Variants in RTN1 observed in about 807,000 individuals in gnomAD.
RTN1 encodes the protein reticulon-1.
RTN1 carries 25 observed loss-of-function variants against 65.5 expected under a neutral mutation model. The ratio of observed to expected loss-of-function variants is 0.38; its 90% CI spans 0.28 to 0.53. RTN1 has a LOEUF of 0.53. RTN1 is among the 20% of genes least tolerant of loss of function. The probability of loss-of-function intolerance (pLI) is 0.79; values close to 1 mark genes in which losing one functional copy is unlikely to be tolerated. For missense variants in RTN1, 983 were observed against 1,025.4 expected, an observed-to-expected ratio of 0.96 and a Z score of 0.57; for synonymous variants, 471 against 447.6, an observed-to-expected ratio of 1.05 and a Z score of -0.66.
At chr14:59,738,967 T>C (rs1566705865) in intron 2 of RTN1, among the ~76,000 whole-genome samples, 1 of 151,736 alleles carries the variant, frequency 6.6e-6, no homozygotes, top group Non-Finnish European at 1.5e-5. Context: ...CATGGACATA[T>C]TGAGGGGGAG....
intron 3 of RTN1, among the ~76,000 whole-genome samples, chr14:59,625,287 A>G (rs777197291): frequency 6.6e-6 from 1 of 152,228 alleles, no homozygotes; most frequent in African/African-American, 2.4e-5. Flanking sequence ...GAAGATGTAA[A>G]TTTAGATCAG....
chr14:59,759,820 A>G (rs1885713171), intron 1 of RTN1, among the ~76,000 whole-genome samples: 2 of 152,198 alleles, frequency 1.3e-5, no homozygotes, highest in Admixed American at 6.5e-5. Flanking sequence ...CTTCCTTATC[A>G]GTTTGAAAAA....
At chr14:59,798,104 G>C (rs1198645284) in intron 1 of RTN1, among the ~76,000 whole-genome samples, 1 of 152,098 alleles carries the variant, frequency 6.6e-6, no homozygotes, top group Non-Finnish European at 1.5e-5. Flanking sequence ...TTATTCCAGA[G>C]ATATACTGTA....
chr14:59,829,699 G>A lies in RTN1; in HGVS notation c.241+40691C>T, dbSNP rs374459131. ...ACAGTCCTCACACAGGGAGCAGGCA[G>A]AGGGAGGCCCCACTCCTGTGCTTCC... On this transcript the variant is annotated intron_variant, in intron 1 of 8. Coordinates refer to ENST00000267484, the MANE Select transcript of RTN1 (RefSeq NM_021136.3). The surrounding 1 kb of genome is among the most constrained non-coding windows in gnomAD (Gnocchi z 4.3). Among the ~76,000 whole-genome samples, 1 of 152,212 alleles carries A rather than the reference G, an allele frequency of 6.6e-6. No homozygotes were observed. Among genetic ancestry groups the A allele is most frequent in the African/African-American group, 2.4e-5 (1 of 41,462 alleles).
At chr14:59,637,987 G>A (rs1389873123) in intron 3 of RTN1, among the ~76,000 whole-genome samples, 2 of 151,916 alleles carry the variant, frequency 1.3e-5, no homozygotes, top group African/African-American at 2.4e-5. Context: ...AAGTTGCTGG[G>A]ACTACAAGCA....
chr14:59,759,931 C>G (rs1265836072), intron 1 of RTN1, among the ~76,000 whole-genome samples: 1 of 152,132 alleles, frequency 6.6e-6, no homozygotes, highest in Non-Finnish European at 1.5e-5. Flanking sequence ...CGCCATAACC[C>G]CAATGGGAGG....
chr14:59,778,180 A>G (rs1886089399), intron 1 of RTN1, among the ~76,000 whole-genome samples: 1 of 152,082 alleles, frequency 6.6e-6, no homozygotes, highest in Non-Finnish European at 1.5e-5. Context: ...TACCTCTATC[A>G]TGGCTTCTCT....
chr14:59,634,291 A>AT (rs375926596), intron 3 of RTN1, among the ~76,000 whole-genome samples: 1 of 152,132 alleles, frequency 6.6e-6, no homozygotes, highest in Non-Finnish European at 1.5e-5. Context: ...AAGCATCTTC[A>AT]TTTTTTTCTT....
chr14:59,750,115 TA>T (rs1594722291), intron 1 of RTN1, among the ~76,000 whole-genome samples: 1 of 86,624 alleles, frequency 1.2e-5, no homozygotes, highest in Non-Finnish European at 2.0e-5. Flanking sequence ...ATATTATATA[TA>T]ATATATATTA....
intron 3 of RTN1, among the ~76,000 whole-genome samples, chr14:59,608,413 G>A (rs1881834857): frequency 6.6e-6 from 1 of 152,238 alleles, no homozygotes; most frequent in Admixed American, 6.5e-5. Flanking sequence ...GAAGTGATCA[G>A]GTTGAAGAGA....
chr14:59,845,267 A>C (rs1887387222), intron 1 of RTN1, among the ~76,000 whole-genome samples: 1 of 152,232 alleles, frequency 6.6e-6, no homozygotes, highest in Non-Finnish European at 1.5e-5. Context: ...ATATGATTTT[A>C]ATATTAATAC....
Position 59,774,512 on chromosome 14 carries a change from A to G in RTN1, c.242-28031T>C, listed in dbSNP as rs1366812433. Among the ~76,000 whole-genome samples, 4 of 152,124 alleles carry G rather than the reference A, an allele frequency of 2.6e-5. No homozygotes were observed. Among genetic ancestry groups the G allele is most frequent in the Non-Finnish European group, 5.9e-5 (4 of 68,020 alleles). ...CAGGCCAAAAATATGTCTGAAAGCT[A>G]CTTGGCAATTTCACTCCACACTGAT... On this transcript the variant is annotated intron_variant, in intron 1 of 8. Coordinates refer to ENST00000267484, the MANE Select transcript of RTN1 (RefSeq NM_021136.3). This position sits in a 1 kb window ranked among gnomAD's most constrained non-coding sequence, Gnocchi z 5.1.
intron 3 of RTN1, among the ~76,000 whole-genome samples, chr14:59,686,859 G>T (rs1883856952): frequency 6.6e-6 from 1 of 152,180 alleles, no homozygotes; most frequent in South Asian, 2.1e-4. Context: ...CCAAGAACAG[G>T]ACACCATTTT....
rs879459413 is a variant in RTN1, at chr14:59,766,792, T to C, written c.242-20311A>G. ...AGTCTCAGTCATGCCAATAAGTAAA[T>C]AAGTGGAAATCCTAAAGTAGATATT... is the stretch of plus-strand genomic sequence containing the variant. On this transcript the variant is annotated intron_variant, in intron 1 of 8. Transcript: ENST00000267484. This position sits in a 1 kb window ranked among gnomAD's most constrained non-coding sequence, Gnocchi z 4.4. 2.0e-5 allele frequency among the ~76,000 whole-genome samples: 3 copies of C among 152,120 alleles called. No homozygotes were observed. The highest frequency in any genetic ancestry group is 2.9e-5 in the Non-Finnish European group (2 of 68,030).
At chr14:59,603,333 T>C (rs893346089) in intron 6 of RTN1, 75 bp from the exon 7 acceptor site, 1 of 1,109,756 alleles carries the variant, frequency 9.0e-7, no homozygotes, top group Non-Finnish European at 1.3e-6. Context: ...CATTTTTATA[T>C]GGTTATATGA....
chr14:59,596,782 T>C lies in RTN1; in HGVS notation c.2294A>G (p.Gln765Arg). The C allele has an allele frequency of 6.2e-7, 1 of 1,610,856 alleles. No individual in the cohort carries two copies. Among genetic ancestry groups the C allele is most frequent in the Non-Finnish European group, 8.5e-7 (1 of 1,177,118 alleles). The change falls in exon 9 of 9, where the codon CAG (glutamine) becomes CGG (arginine). Residue 765 changes from glutamine to arginine, a missense_variant. This residue lies in a region of RTN1 where 165 missense variants were observed against 223.6 expected (regional missense o/e 0.74). Transcript: ENST00000267484. ...CCTCTTAGCGCCTGGGATTTTAGCC[T>C]GAATCCTAAAAAGACAGTATCAAAA... ...THINAVVAKIQAKIPGAKRHA... is the reference protein window; with the variant it reads ...THINAVVAKIRAKIPGAKRHA...
chr14:59,860,644 T>C (rs1026348238), intron 1 of RTN1, among the ~76,000 whole-genome samples: 2 of 152,062 alleles, frequency 1.3e-5, no homozygotes, highest in African/African-American at 4.8e-5. Flanking sequence ...TGCCAGCCTA[T>C]GAAAAGAGCC....
chr14:59,740,153 G>A (rs1379258727), intron 2 of RTN1, among the ~76,000 whole-genome samples: 1 of 151,442 alleles, frequency 6.6e-6, no homozygotes, highest in African/African-American at 2.4e-5. Flanking sequence ...TGGGAGCAAA[G>A]TACAGCCAAG....
intron 3 of RTN1, among the ~76,000 whole-genome samples, chr14:59,649,020 A>G (rs8005598): frequency 0.8 from 121,361 of 151,596 alleles, 48,669 homozygotes; most frequent in Admixed American, 0.86. Flanking sequence ...TGACAAGGCT[A>G]GAGTAACCAA....
Sources: gnomAD v4.1 joint callset for allele counts (sites outside exome capture counted in the v4.1 genomes callset) on GRCh38, gnomAD v4.1.1 for gene constraint, gnomAD v4.1.1 regional missense constraint, Gnocchi (gnomAD v3.1) non-coding constraint, MANE v1.5 for transcripts, NCBI Gene and HGNC (gene_info 2026-07-23, HGNC 2026-07-21) for gene names.